Variants in NOTCH3 observed in about 807,000 individuals in gnomAD.
The protein encoded by NOTCH3 is notch receptor 3, also known as neurogenic locus notch homolog protein 3.
Under a neutral mutation model 213.3 loss-of-function variants are expected in NOTCH3, and 86 were observed. The observed-to-expected ratio is 0.40, with a 90% CI of 0.34 to 0.48. NOTCH3 has a LOEUF of 0.48. Among genes scored for constraint, NOTCH3 ranks in the 20% least tolerant of loss-of-function variants. NOTCH3 has a pLI of 0.57. For missense variants in NOTCH3, 2,783 were observed against 3,272.6 expected, an observed-to-expected ratio of 0.85 and a Z score of 3.65; for synonymous variants, 1,354 against 1,355.9, an observed-to-expected ratio of 1.00 and a Z score of 0.03.
At position 15,191,563 on chromosome 19, in the gene NOTCH3, G is replaced by A. The variant is rs768851285; in HGVS notation, c.897C>T (p.Ser299=). ...CTGTCCAGCCATTGACACACACGCA[G>A]CTGTGGCCACCCAGCGTGTTGAAGC... ...GTCFNTLGGH[S]CVCVNGWTGE... The change falls in exon 6 of 33, where the codon AGC becomes AGT. Residue 299 remains serine (S), a synonymous_variant. Coordinates refer to ENST00000263388, the MANE Select transcript of NOTCH3 (RefSeq NM_000435.3). The A allele has an allele frequency of 1.9e-6, 3 of 1,613,672 alleles. No homozygotes were observed. The highest frequency in any genetic ancestry group is 1.1e-5 in the South Asian group (1 of 91,082).
Position 15,165,830 on chromosome 19 carries a change from G to C in NOTCH3, c.5624C>G (p.Pro1875Arg), listed in dbSNP as rs1401140576. The C allele has an allele frequency of 6.2e-7, 1 of 1,613,704 alleles. No homozygotes were observed. Among genetic ancestry groups the C allele is most frequent in the African/African-American group, 1.3e-5 (1 of 74,924 alleles). The change falls in exon 30 of 33, where the codon CCC becomes CGC. Residue 1875 changes from proline (P) to arginine (R), a missense_variant. Pro to Arg is a moderately radical substitution (Grantham distance 103). Around this residue, in one of 6 missense-constraint regions of NOTCH3, gnomAD observed 636 missense variants for 801.8 expected, o/e 0.79. Coordinates refer to ENST00000263388, the MANE Select transcript of NOTCH3 (RefSeq NM_000435.3). This position sits in a 1 kb window ranked among gnomAD's most constrained non-coding sequence, Gnocchi z 4.7. ...ATCGGCTGTGACAGCTGTGTGCAGG[G>C]GAGTGCGGCCTGAGTGGTCCTGGGC... is the stretch of plus-strand genomic sequence containing the variant. ...TNAQDHSGRT[P>R]LHTAVTADAQ...
chr19:15,197,516 G>C lies in NOTCH3; in HGVS notation c.181C>G (p.Arg61Gly), dbSNP rs200595885. 4 of 1,373,180 alleles carry C rather than the reference G, an allele frequency of 2.9e-6. No individual in the cohort carries two copies. The highest frequency in any genetic ancestry group is 3.9e-6 in the Non-Finnish European group (4 of 1,032,194). 85.1% of individuals were successfully genotyped at this position (1,373,180 alleles called of 1,614,324 possible). A position where few individuals can be genotyped will look rare whatever the true frequency, so the allele number is the denominator to read the frequency against. Residue 61 changes from arginine (R) to glycine (G), a missense_variant, in exon 2 of 33, where the codon CGG becomes GGG. Transcript: ENST00000263388. ...NGGRCTQLPS[R>G]EAACLCPPGW... ...GGCACTCACAGGCAGGCAGCCTCCC[G>C]GGAGGGCAGCTGGGTGCAACGACCT... is the stretch of plus-strand genomic sequence containing the variant.
rs760053530 is a variant in NOTCH3 at position 15,189,280 on chromosome 19, G to A, written c.1185C>T (p.Cys395=). ...GGACDQDVDE[C]SIGANPCEHL... ...CGATGGAGCTCCCCTCACCGATAGA[G>A]CACTCGTCCACATCCTGGTCACATG... Residue 395 remains cysteine, a synonymous_variant, in exon 7 of 33, where the codon TGC becomes TGT. Coordinates refer to ENST00000263388, the MANE Select transcript of NOTCH3 (RefSeq NM_000435.3). 7 of 1,614,070 alleles carry A rather than the reference G, an allele frequency of 4.3e-6. No individual in the cohort carries two copies. The highest frequency in any genetic ancestry group is 1.1e-5 in the South Asian group (1 of 91,086).
At chr19:15,186,343 T>C (rs1458472971) in intron 12 of NOTCH3, among the ~76,000 whole-genome samples, 1 of 151,712 alleles carries the variant, frequency 6.6e-6, no homozygotes, top group East Asian at 1.9e-4. Context: ...GACACTTTCA[T>C]CTATGTTCCA....
rs752861238 is a variant in NOTCH3, at chr19:15,180,112, C to A, written c.3287G>T (p.Gly1096Val). 1 of 1,612,972 alleles carries A rather than the reference C, an allele frequency of 6.2e-7. No individual in the cohort carries two copies. Among genetic ancestry groups the A allele is most frequent in the South Asian group, 1.1e-5 (1 of 91,044 alleles). The change falls in exon 20 of 33, where the codon GGG becomes GTG. Residue 1096 changes from glycine (G) to valine (V), a missense_variant. Physicochemically the swap from Gly to Val is moderately radical, Grantham distance 109. Around this residue, in one of 6 missense-constraint regions of NOTCH3, gnomAD observed 861 missense variants for 909.1 expected, o/e 0.95. Coordinates refer to ENST00000263388, the MANE Select transcript of NOTCH3 (RefSeq NM_000435.3). ...CCCCATATAGCCACGGCAGGTCCCCCCATGCTGGCAGGGCTGGGCCAAGCA... is the reference window on the plus strand; with the variant it reads ...CCCCATATAGCCACGGCAGGTCCCCACATGCTGGCAGGGCTGGGCCAAGCA... ...DPCLAQPCQHGGTCRGYMGGY... is the reference protein window; with the variant it reads ...DPCLAQPCQHVGTCRGYMGGY...
chr19:15,160,984 G>C lies in NOTCH3; in HGVS notation c.6644C>G (p.Pro2215Arg), dbSNP rs1352746556. Reference protein sequence around the residue: ...QERPPPYLAVPGHGEEYPAAG... With the variant: ...QERPPPYLAVRGHGEEYPAAG... ...CGCCGGGTACTCCTCGCCATGTCCT[G>C]GGACTGCCAGGTAAGGCGGGGGCCG... Residue 2215 changes from proline to arginine, a missense_variant, in exon 33 of 33, where the codon CCA becomes CGA. By Grantham distance (103) the Pro-to-Arg change is moderately radical. This residue lies in a region of NOTCH3 where 441 missense variants were observed against 432.1 expected (regional missense o/e 1.02). Coordinates refer to ENST00000263388, the MANE Select transcript of NOTCH3 (RefSeq NM_000435.3). The C allele has an allele frequency of 2.6e-6, 4 of 1,563,554 alleles. No individual in the cohort carries two copies. The highest frequency in any genetic ancestry group is 2.6e-6 in the Non-Finnish European group (3 of 1,155,106).
At position 15,176,329 on chromosome 19, in the gene NOTCH3, C is replaced by T. The variant is rs557992864; in HGVS notation, c.4403+1196G>A. The stretch of plus-strand genomic sequence containing the variant: ...GATTACAGCCATGTGCCACCACACC[C>T]GGCTAATTTTGTATTTTTAGTAGAG... On this transcript the variant is annotated intron_variant, in intron 24 of 32. Transcript: ENST00000263388. Among the ~76,000 whole-genome samples, 44 of 152,018 alleles carry T rather than the reference C, an allele frequency of 2.9e-4. No homozygotes were observed. The South Asian group carries it at 4.2e-3, about 14-fold the overall frequency.
chr19:15,198,632 T>A (rs2046987814), intron 1 of NOTCH3, among the ~76,000 whole-genome samples: 1 of 152,138 alleles, frequency 6.6e-6, no homozygotes, highest in Non-Finnish European at 1.5e-5. Context: ...GTGCCTGTAA[T>A]CCTAGCTACT....
At position 15,165,916 on chromosome 19, in the gene NOTCH3, A is replaced by G; in HGVS notation, c.5538T>C (p.Ala1846=). The change falls in exon 30 of 33, where the codon GCT becomes GCC. Residue 1846 remains alanine, a synonymous_variant. Coordinates refer to ENST00000263388, the MANE Select transcript of NOTCH3 (RefSeq NM_000435.3). This position sits in a 1 kb window ranked among gnomAD's most constrained non-coding sequence, Gnocchi z 4.7. The part of the protein sequence containing the change: ...DRTGETALHL[A]ARYARADAAK... ...CTGCATCAGCACGGGCATAACGGGC[A>G]GCCAGGTGCAAAGCAGTCTCGCCAG... The G allele has an allele frequency of 6.2e-7, 1 of 1,614,188 alleles. No individual in the cohort carries two copies. The highest frequency in any genetic ancestry group is 8.5e-7 in the Non-Finnish European group (1 of 1,180,024).
At chr19:15,199,883 A>G (rs1199621301) in intron 1 of NOTCH3, among the ~76,000 whole-genome samples, 1 of 151,436 alleles carries the variant, frequency 6.6e-6, no homozygotes, top group Non-Finnish European at 1.5e-5. Context: ...TCCCCCGCCC[A>G]CCAGGCCTCC....
chr19:15,161,252 G>A lies in NOTCH3; in HGVS notation c.6376C>T (p.Pro2126Ser), dbSNP rs762210622. The A allele has an allele frequency of 1.3e-6, 2 of 1,547,832 alleles. No homozygotes were observed. The highest frequency in any genetic ancestry group is 1.2e-5 in the South Asian group (1 of 84,384). The stretch of plus-strand genomic sequence containing the variant: ...GCAGTGGCAGTGGCAGCTGCATAGG[G>A]CCCCTCAAGGGGGAAGCCACCAGGG... Reference protein sequence around the residue: ...ASPGGFPLEGPYAAATATAVS... With the variant: ...ASPGGFPLEGSYAAATATAVS... The change falls in exon 33 of 33, where the codon CCC becomes TCC. Residue 2126 changes from proline to serine, a missense_variant. Pro to Ser is a moderately conservative substitution (Grantham distance 74). Coordinates refer to ENST00000263388, the MANE Select transcript of NOTCH3 (RefSeq NM_000435.3).
At chr19:15,166,790 T>C (rs10416865) in intron 29 of NOTCH3, among the ~76,000 whole-genome samples, 136,809 of 151,790 alleles carry the variant, frequency 0.9, 61,973 homozygotes, top group African/African-American at 0.98. Flanking sequence ...GGGTAGAGAC[T>C]GACCTCCCCG....
chr19:15,186,365 T>C (rs1487882172), intron 12 of NOTCH3, among the ~76,000 whole-genome samples: 1 of 131,014 alleles, frequency 7.6e-6, no homozygotes, highest in Non-Finnish European at 1.6e-5. Flanking sequence ...AATAATCTTT[T>C]TGTTTGTTTT....
intron 24 of NOTCH3, among the ~76,000 whole-genome samples, chr19:15,177,055 G>C (rs1349723834): frequency 7.7e-6 from 1 of 129,304 alleles, no homozygotes; most frequent in African/African-American, 2.9e-5. Context: ...CTGGGCAAGA[G>C]AGCGAGACTC....
chr19:15,180,183 G>A lies in NOTCH3; in HGVS notation c.3216C>T (p.Cys1072=), dbSNP rs1260611775. 2 of 1,613,816 alleles carry A rather than the reference G, an allele frequency of 1.2e-6. No individual in the cohort carries two copies. The highest frequency in any genetic ancestry group is 1.1e-5 in the South Asian group (1 of 91,074). Residue 1072 remains cysteine, a synonymous_variant, in exon 20 of 33, where the codon TGC becomes TGT. Coordinates refer to ENST00000263388, the MANE Select transcript of NOTCH3 (RefSeq NM_000435.3). ...VDEDSSHYCV[C]PEGRTGSHCE... Reference sequence around the variant, plus strand: ...AGTGGCTACCAGTACGGCCCTCTGGGCACACGCAGTAGTGGGAGCTGTCTT... The same window carrying A: ...AGTGGCTACCAGTACGGCCCTCTGGACACACGCAGTAGTGGGAGCTGTCTT...
rs369813654 is a variant in NOTCH3, at chr19:15,160,996, T to C, written c.6632A>G (p.Tyr2211Cys). 5.0e-5 allele frequency: 78 copies of C among 1,553,884 alleles called. No individual in the cohort carries two copies. The African/African-American group carries it at 9.8e-4, about 19-fold the overall frequency. The change falls in exon 33 of 33, where the codon TAC (tyrosine) becomes TGC (cysteine). Residue 2211 changes from tyrosine (Y) to cysteine (C), a missense_variant. Coordinates refer to ENST00000263388, the MANE Select transcript of NOTCH3 (RefSeq NM_000435.3). Reference sequence around the variant, plus strand: ...CTCGCCATGTCCTGGGACTGCCAGGTAAGGCGGGGGCCGCTCCTGCGGGGA... The same window carrying C: ...CTCGCCATGTCCTGGGACTGCCAGGCAAGGCGGGGGCCGCTCCTGCGGGGA... ...PVSPQERPPP[Y>C]LAVPGHGEEY... is the part of the protein sequence containing the mutation.
intron 9 of NOTCH3, 82 bp downstream of exon 9, chr19:15,188,153 C>A: frequency 9.0e-7 from 1 of 1,114,792 alleles, no homozygotes; most frequent in Non-Finnish European, 1.3e-6. Flanking sequence ...TATCCGCTAA[C>A]GTGGTTTTAC....
intron 24 of NOTCH3, among the ~76,000 whole-genome samples, chr19:15,176,498 G>A (rs2046790967): frequency 6.6e-6 from 1 of 151,992 alleles, no homozygotes; most frequent in African/African-American, 2.4e-5. Flanking sequence ...TGGTGGCTCA[G>A]GCCCACAATC....
intron 15 of NOTCH3, 45 bp downstream of exon 15, chr19:15,184,861 G>A: frequency 9.3e-7 from 1 of 1,076,978 alleles, no homozygotes; most frequent in South Asian, 1.3e-5. Flanking sequence ...AGGGTAGGGG[G>A]CAGAGGAGAT....
Sources: gnomAD v4.1 joint callset for allele counts (sites outside exome capture counted in the v4.1 genomes callset) on GRCh38, gnomAD v4.1.1 for gene constraint, gnomAD v4.1.1 regional missense constraint, Gnocchi (gnomAD v3.1) non-coding constraint, MANE v1.5 for transcripts, NCBI Gene and HGNC (gene_info 2026-07-23, HGNC 2026-07-21) for gene names.